Variants in ARMC8 observed in about 807,000 individuals in gnomAD.
ARMC8 encodes armadillo repeat containing 8, also known as armadillo repeat-containing protein 8.
In ARMC8, 20 loss-of-function variants were observed where a neutral mutation model predicts 99.3. The ratio of observed to expected loss-of-function variants is 0.20; its 90% confidence interval spans 0.14 to 0.29. The LOEUF (loss-of-function observed/expected upper bound fraction) is 0.29. Ranked by LOEUF, ARMC8 falls within the 10% of genes least tolerant of loss-of-function variation. The pLI is 1.00. For missense variants in ARMC8, 569 were observed against 809.5 expected, an observed-to-expected ratio of 0.70 and a Z score of 3.60; for synonymous variants, 263 against 278.3, an observed-to-expected ratio of 0.95 and a Z score of 0.55.
intron 6 of ARMC8, among the ~76,000 whole-genome samples, chr3:138,233,754 G>A (rs1350860362): frequency 6.6e-6 from 1 of 152,154 alleles, no homozygotes; most frequent in African/African-American, 2.4e-5. Context: ...ATAATGGGTT[G>A]GAGAAATTGG....
intron 12 of ARMC8, among the ~76,000 whole-genome samples, chr3:138,252,255 G>T (rs2047152376): frequency 6.6e-6 from 1 of 152,070 alleles, no homozygotes; most frequent in Admixed American, 6.6e-5. Flanking sequence ...TTAAATTCAG[G>T]TTTATGTCCG....
rs183594489 is a variant in ARMC8, at chr3:138,198,818, C to G, written c.46-10999C>G. 8.0e-4 allele frequency among the ~76,000 whole-genome samples: 122 copies of G among 151,974 alleles called. 2 individuals carry two copies. Among genetic ancestry groups the G allele is most frequent in the African/African-American group, 2.8e-3 (115 of 41,468 alleles). ...TGAGCCACTGCGCCCGGCCATATAG[C>G]CTTATATTTTAGAGTTTTTTTTTCA... On this transcript the variant is annotated intron_variant, in intron 1 of 21. Coordinates refer to ENST00000469044, the MANE Select transcript of ARMC8 (RefSeq NM_001363941.2).
At chr3:138,264,822 T>C (rs988499055) in intron 14 of ARMC8, among the ~76,000 whole-genome samples, 8 of 146,584 alleles carry the variant, frequency 5.5e-5, no homozygotes, top group Admixed American at 4.7e-4. Flanking sequence ...CTTGTAATTT[T>C]TGGTTCTGAA....
Position 138,208,067 on chromosome 3 carries a change from C to T in ARMC8, c.46-1750C>T, listed in dbSNP as rs2044474968. Among the ~76,000 whole-genome samples, 3 of 150,218 alleles carry T rather than the reference C, an allele frequency of 2.0e-5. No individual in the cohort carries two copies. The South Asian group carries it at 6.3e-4, about 32-fold the overall frequency. ...CTTGAGCCCAGGAGTTTGAGATCGG[C>T]CTGGGCAAGACGGCATCTCTGTTTT... On this transcript the variant is annotated intron_variant, in intron 1 of 21. Transcript: ENST00000469044.
chr3:138,231,720 G>A (rs1576695925), intron 6 of ARMC8, among the ~76,000 whole-genome samples: 2 of 151,826 alleles, frequency 1.3e-5, no homozygotes, highest in South Asian at 2.1e-4. Context: ...CAAGCGAGAG[G>A]ATCCCTTGAG....
Position 138,190,054 on chromosome 3 carries a change from C to T in ARMC8, c.45+2455C>T, listed in dbSNP as rs183995335. 3.6e-3 allele frequency among the ~76,000 whole-genome samples: 540 copies of T among 151,612 alleles called. 2 individuals carry two copies. The highest frequency in any genetic ancestry group is 0.012 in the African/African-American group (516 of 41,520). ...ATATCTTTCTCTTCCCATGACCACC[C>T]TCATTCAGGACTTTGTTGTTTTGTG... On this transcript the variant is annotated intron_variant, in intron 1 of 21. Transcript: ENST00000469044.
chr3:138,256,126 G>A (rs1038427920), intron 12 of ARMC8, among the ~76,000 whole-genome samples: 5 of 152,202 alleles, frequency 3.3e-5, no homozygotes, highest in Non-Finnish European at 7.3e-5. Flanking sequence ...GTTTTTATTT[G>A]CAACAGATGA....
chr3:138,276,714 G>T (rs1423281539), intron 18 of ARMC8, among the ~76,000 whole-genome samples: 3 of 152,110 alleles, frequency 2.0e-5, no homozygotes, highest in African/African-American at 7.2e-5. Context: ...AATCTCACAA[G>T]GATCTGTATA....
At chr3:138,254,152 T>C (rs2047269910) in intron 12 of ARMC8, among the ~76,000 whole-genome samples, 1 of 152,244 alleles carries the variant, frequency 6.6e-6, no homozygotes, top group Non-Finnish European at 1.5e-5. Context: ...AGATTATGTA[T>C]CAAGGTGCTA....
At chr3:138,269,623 A>G (rs1430866494) in intron 15 of ARMC8, among the ~76,000 whole-genome samples, 2 of 152,152 alleles carry the variant, frequency 1.3e-5, no homozygotes, top group African/African-American at 4.8e-5. Context: ...ATTACTTCAT[A>G]GAGTTCGTAA....
Position 138,235,055 on chromosome 3 carries a change from T to C in ARMC8, c.550T>C (p.Leu184=), listed in dbSNP as rs562413879. Residue 184 remains leucine (L), a synonymous_variant, in exon 7 of 22, where the codon TTA becomes CTA. Transcript: ENST00000469044. The part of the protein sequence containing the change: ...CCKGPDHQTI[L]FNHGAVQNIA... ...ACAGGGGCCAGATCATCAAACAATT[T>C]TATTTAACCACGGTGCAGTTCAGAA... 2.4e-5 allele frequency: 39 copies of C among 1,613,812 alleles called. No homozygotes were observed. The highest frequency in any genetic ancestry group is 3.3e-5 in the Non-Finnish European group (39 of 1,179,880).
intron 6 of ARMC8, 121 bp downstream of exon 6, chr3:138,229,131 CGTGTATATATATAT>C (rs2045849747): frequency 1.6e-5 from 1 of 61,270 alleles, no homozygotes; most frequent in South Asian, 2.1e-4. Context: ...TGTGTGTGTG[CGTGTATATATATAT>C]ATATATATAT....
chr3:138,265,352 A>C (rs2048179076), intron 14 of ARMC8, among the ~76,000 whole-genome samples: 1 of 152,222 alleles, frequency 6.6e-6, no homozygotes, highest in African/African-American at 2.4e-5. Flanking sequence ...GATACACTAC[A>C]AAACTTGGTC....
At chr3:138,252,018 G>A (rs943832216) in intron 12 of ARMC8, among the ~76,000 whole-genome samples, 1 of 152,184 alleles carries the variant, frequency 6.6e-6, no homozygotes, top group African/African-American at 2.4e-5. Flanking sequence ...AATTAAATAT[G>A]TATGGAATAG....
At chr3:138,196,040 T>C (rs1317470090) in intron 1 of ARMC8, among the ~76,000 whole-genome samples, 1 of 152,144 alleles carries the variant, frequency 6.6e-6, no homozygotes, top group Non-Finnish European at 1.5e-5. Context: ...ATAAGATCTA[T>C]TAATATTGGG....
chr3:138,224,249 C>T (rs539122790), intron 5 of ARMC8, among the ~76,000 whole-genome samples: 3 of 151,362 alleles, frequency 2.0e-5, no homozygotes, highest in South Asian at 2.1e-4. Context: ...TGAGCCACTG[C>T]GCCCGACAAC....
intron 1 of ARMC8, chr3:138,187,825 G>A (rs1258946941): frequency 3.5e-6 from 2 of 565,766 alleles, no homozygotes; most frequent in Non-Finnish European, 6.3e-6. Flanking sequence ...GCCGGTGCGG[G>A]TTCCCAGGAT....
At chr3:138,196,377 A>G (rs759748400) in intron 1 of ARMC8, among the ~76,000 whole-genome samples, 2 of 152,192 alleles carry the variant, frequency 1.3e-5, no homozygotes, top group Admixed American at 6.5e-5. Flanking sequence ...ATCTGGGGTC[A>G]TGATCATTAT....
intron 9 of ARMC8, 81 bp from the exon 10 acceptor site, chr3:138,239,384 TTAA>T: frequency 9.2e-7 from 1 of 1,092,554 alleles, no homozygotes; most frequent in Non-Finnish European, 1.3e-6. Context: ...TTTCGATTTT[TTAA>T]TAAAATCTTA....
Sources: allele counts gnomAD v4.1 joint callset (sites outside exome capture counted in the v4.1 genomes callset), GRCh38; gene constraint gnomAD v4.1.1; transcripts MANE v1.5; gene names NCBI Gene and HGNC (gene_info 2026-07-23, HGNC 2026-07-21).